Variants in HMMR observed in about 807,000 individuals in gnomAD.
The protein encoded by HMMR is hyaluronan mediated motility receptor.
Under a neutral mutation model 101.0 loss-of-function variants are expected in HMMR, and 108 were observed. The observed-to-expected ratio is 1.07, with a 90% CI of 0.92 to 1.25. The LOEUF (loss-of-function observed/expected upper bound fraction) is 1.25, where lower values mean the gene tolerates loss of function less well. Among genes scored for constraint, HMMR ranks in the 50% most tolerant of loss-of-function variants. HMMR has a pLI of 0.00. For missense variants in HMMR, 813 were observed against 788.7 expected, an observed-to-expected ratio of 1.03 and a Z score of -0.37; for synonymous variants, 296 against 276.4, an observed-to-expected ratio of 1.07 and a Z score of -0.70.
chr5:163,489,656 G>C (rs561826899), intron 16 of HMMR, among the ~76,000 whole-genome samples: 1 of 152,172 alleles, frequency 6.6e-6, no homozygotes, highest in South Asian at 2.1e-4. Context: ...TCGGGGCCCA[G>C]CATTTTCAAC....
intron 4 of HMMR, among the ~76,000 whole-genome samples, chr5:163,467,984 G>A (rs886142925): frequency 4.6e-5 from 7 of 152,198 alleles, no homozygotes; most frequent in Non-Finnish European, 5.9e-5. Flanking sequence ...ATGAAAAACT[G>A]ATAACTGAAA....
At chr5:163,461,918 A>C (rs1292552360) in intron 1 of HMMR, among the ~76,000 whole-genome samples, 1 of 146,956 alleles carries the variant, frequency 6.8e-6, no homozygotes, top group Non-Finnish European at 1.5e-5. Context: ...TATCTTGCAC[A>C]ATCAGTAAGT....
intron 4 of HMMR, among the ~76,000 whole-genome samples, chr5:163,469,087 G>A (rs1168326574): frequency 6.6e-6 from 1 of 152,072 alleles, no homozygotes; most frequent in Non-Finnish European, 1.5e-5. Context: ...AATAGCGGCC[G>A]GGTGTGGTGG....
At chr5:163,475,385 C>CT (rs1419509012) in intron 10 of HMMR, 73 bp from the exon 11 acceptor site, 54 of 761,510 alleles carry the variant, frequency 7.1e-5, no homozygotes, top group South Asian at 1.2e-4. Context: ...TTTATCTGTA[C>CT]TTTTTTTTGT....
chr5:163,477,470 A>G (rs1160239406), intron 11 of HMMR, among the ~76,000 whole-genome samples: 1 of 152,210 alleles, frequency 6.6e-6, no homozygotes, highest in Admixed American at 6.5e-5. Context: ...GCAAATGAAC[A>G]GCAAGGTTTT....
At chr5:163,479,062 G>T (rs1477034824) in intron 12 of HMMR, among the ~76,000 whole-genome samples, 1 of 152,186 alleles carries the variant, frequency 6.6e-6, no homozygotes, top group African/African-American at 2.4e-5. Flanking sequence ...GGCAGCATAT[G>T]CCTGTAGTCC....
chr5:163,462,376 C>CA (rs891328939), intron 1 of HMMR, among the ~76,000 whole-genome samples: 3 of 149,234 alleles, frequency 2.0e-5, no homozygotes, highest in Non-Finnish European at 4.5e-5. Flanking sequence ...AAAAAAAAAG[C>CA]AAAAAAACCC....
intron 1 of HMMR, 143 bp from the exon 2 acceptor site, chr5:163,463,713 T>C: frequency 2.3e-6 from 1 of 425,926 alleles, no homozygotes; most frequent in South Asian, 7.0e-5. Flanking sequence ...CTTTGTAATA[T>C]CAAATGGATG....
intron 12 of HMMR, 38 bp from the exon 13 acceptor site, chr5:163,482,604 T>G: frequency 6.8e-7 from 1 of 1,466,568 alleles, no homozygotes; most frequent in South Asian, 1.2e-5. Flanking sequence ...TACGCAATAG[T>G]TAGAAAACTA....
In HMMR at chr5:163,484,201, A is replaced by G. The variant is rs577853858; in HGVS notation, c.1918A>G (p.Lys640Glu). ...TCATCAGAATTTGAAACAAAAAATCAAGCATGTTGTGAAGTTGAAAGATGA... is the reference window on the plus strand; with the variant it reads ...TCATCAGAATTTGAAACAAAAAATCGAGCATGTTGTGAAGTTGAAAGATGA... The part of the protein sequence containing the change: ...LGHQNLKQKI[K>E]HVVKLKDENS... Residue 640 changes from lysine (K) to glutamate (E), a missense_variant, in exon 16 of 18, where the codon AAG becomes GAG. By Grantham distance (56) the Lys-to-Glu change is moderately conservative (BLOSUM62 1). Coordinates refer to ENST00000393915, the MANE Select transcript of HMMR (RefSeq NM_001142556.2). 2.5e-6 allele frequency: 4 copies of G among 1,603,802 alleles called. No individual in the cohort carries two copies. The African/African-American group carries it at 5.4e-5, about 22-fold the overall frequency.
chr5:163,484,023 A>C (rs773666390), intron 15 of HMMR, 46 bp from the exon 16 acceptor site: 1 of 1,170,340 alleles, frequency 8.5e-7, no homozygotes, highest in Admixed American at 2.4e-5. Context: ...AACTAGTAAG[A>C]TCAAACTGTT....
At chr5:163,486,164 A>G (rs1759470082) in intron 16 of HMMR, among the ~76,000 whole-genome samples, 1 of 152,194 alleles carries the variant, frequency 6.6e-6, no homozygotes, top group South Asian at 2.1e-4. Flanking sequence ...CAGTTTTTCT[A>G]CAAAGAAACC....
intron 12 of HMMR, among the ~76,000 whole-genome samples, chr5:163,480,795 T>C (rs1197341792): frequency 1.3e-5 from 2 of 152,184 alleles, no homozygotes; most frequent in Non-Finnish European, 2.9e-5. Context: ...TATTTGTCTA[T>C]AGGGTTATCA....
Position 163,482,684 on chromosome 5 carries a change from G to A in HMMR, c.1428G>A (p.Leu476=), listed in dbSNP as rs1759312901. The A allele has an allele frequency of 2.5e-6, 4 of 1,612,106 alleles. No homozygotes were observed. The highest frequency in any genetic ancestry group is 2.2e-5 in the South Asian group (2 of 91,032). Residue 476 remains leucine, a synonymous_variant, in exon 13 of 18, where the codon CTG becomes CTA. Transcript: ENST00000393915. ...LTASEIEDLK[L]ENSSLQEKAA... is the part of the protein sequence containing the mutation. ...CCAGTGAGATAGAAGATCTTAAGCT[G>A]GAGAACTCATCATTACAGGAAAAAG...
At chr5:163,474,283 GT>G in intron 10 of HMMR, 78 bp downstream of exon 10, 1 of 1,062,458 alleles carries the variant, frequency 9.4e-7, no homozygotes, top group Non-Finnish European at 1.4e-6. Flanking sequence ...CCTTTAAATT[GT>G]GTATATCCTT....
chr5:163,480,856 CAGGT>C, intron 12 of HMMR, among the ~76,000 whole-genome samples: 1 of 152,190 alleles, frequency 6.6e-6, no homozygotes, highest in South Asian at 2.1e-4. Flanking sequence ...ATATGGGTTA[CAGGT>C]ATCTTCTGCC....
chr5:163,476,628 G>A (rs996515600), intron 11 of HMMR, among the ~76,000 whole-genome samples: 19 of 151,800 alleles, frequency 1.3e-4, no homozygotes, highest in East Asian at 7.8e-4. Flanking sequence ...CCTGGGCAAC[G>A]TAGCACAAGA....
chr5:163,464,607 C>A, intron 2 of HMMR, 116 bp from the exon 3 acceptor site: 1 of 716,638 alleles, frequency 1.4e-6, no homozygotes, highest in Non-Finnish European at 2.4e-6. Context: ...GTGAGACTGT[C>A]TCAAAAAACA....
Position 163,474,038 on chromosome 5 carries a change from G to T in HMMR, c.905-19G>T. The T allele has an allele frequency of 6.3e-7, 1 of 1,596,894 alleles. No homozygotes were observed. The highest frequency in any genetic ancestry group is 1.3e-5 in the African/African-American group (1 of 74,272). On this transcript the variant is annotated intron_variant, in intron 9 of 17. Transcript: ENST00000393915. ...GTTCTTATCTAATTCCAGTATTCTT[G>T]ATGTTTTGCGTTTTCTAGAAGACCA...
Sources: allele counts gnomAD v4.1 joint callset (sites outside exome capture counted in the v4.1 genomes callset), GRCh38; gene constraint gnomAD v4.1.1; transcripts MANE v1.5; gene names NCBI Gene and HGNC (gene_info 2026-07-23, HGNC 2026-07-21).